Variants in KIF13A observed in about 807,000 individuals in gnomAD.
KIF13A encodes kinesin-like protein KIF13A.
A neutral mutation model predicts 212.2 loss-of-function variants in KIF13A; 79 were observed. That is an observed-to-expected ratio of 0.37 (90% confidence interval 0.31 to 0.45). The LOEUF (loss-of-function observed/expected upper bound fraction) is 0.45. Among genes scored for constraint, KIF13A ranks in the 20% least tolerant of loss-of-function variants. The probability of loss-of-function intolerance (pLI) is 1.00; values close to 1 mark genes in which losing one functional copy is unlikely to be tolerated. For missense variants in KIF13A, 1,901 were observed against 2,209.0 expected (o/e 0.86, Z 2.79); for synonymous variants, 789 against 808.6 (o/e 0.98, Z 0.41).
At chr6:17,974,079 G>A (rs1006967913) in intron 2 of KIF13A, among the ~76,000 whole-genome samples, 6 of 152,158 alleles carry the variant, frequency 3.9e-5, no homozygotes, top group South Asian at 2.1e-4. Flanking sequence ...TAGGAACCTG[G>A]TTTTTTATTT....
Position 17,776,505 on chromosome 6 carries a change from C to G in KIF13A, c.4170+772G>C, listed in dbSNP as rs1457388505. Among the ~76,000 whole-genome samples the G allele has an allele frequency of 2.0e-5, 3 of 152,134 alleles. No homozygotes were observed. The highest frequency in any genetic ancestry group is 4.4e-5 in the Non-Finnish European group (3 of 68,036). Reference sequence around the variant, plus strand: ...CTATATGAGTCTCTCTTATCTATTTCTAATAAATGCATTGTGGTCAGAAGA... The same window carrying G: ...CTATATGAGTCTCTCTTATCTATTTGTAATAAATGCATTGTGGTCAGAAGA... On this transcript the variant is annotated intron_variant, in intron 34 of 38. Transcript: ENST00000259711. This position sits in a 1 kb window ranked among gnomAD's most constrained non-coding sequence, Gnocchi z 4.6.
rs1484811693 is a variant in KIF13A at position 17,967,024 on chromosome 6, A to G, written c.146+20030T>C. 2.0e-5 allele frequency among the ~76,000 whole-genome samples: 3 copies of G among 152,204 alleles called. No individual in the cohort carries two copies. In the East Asian group the frequency reaches 5.8e-4, roughly 29 times the overall value. On this transcript the variant is annotated intron_variant, in intron 2 of 38. Coordinates refer to ENST00000259711, the MANE Select transcript of KIF13A (RefSeq NM_022113.6). This position sits in a 1 kb window ranked among gnomAD's most constrained non-coding sequence, Gnocchi z 4.1. ...GAAAGAAAATACCAAATATTCCAGC[A>G]GTACCTAACTTGATTTAGTAGACAC...
chr6:17,866,931 C>T (rs1445083970), intron 4 of KIF13A, among the ~76,000 whole-genome samples: 2 of 148,362 alleles, frequency 1.3e-5, no homozygotes, highest in Non-Finnish European at 3.0e-5. Context: ...TAGCAAAGCT[C>T]ATTTATTTTT....
chr6:17,760,788 G>T, downstream of KIF13A: 1 of 1,512,296 alleles, frequency 6.6e-7, no homozygotes, highest in East Asian at 2.3e-5. Context: ...GATGGGGCTG[G>T]TGCTTGCCCA....
intron 2 of KIF13A, among the ~76,000 whole-genome samples, chr6:17,973,840 T>G (rs1780035756): frequency 6.6e-6 from 1 of 152,110 alleles, no homozygotes; most frequent in South Asian, 2.1e-4. Context: ...TTTGCTAGAA[T>G]TGTCACATCA....
rs1247370767 is a variant in KIF13A, at chr6:17,799,906, C to T, written c.2616+46G>A. 6.4e-7 allele frequency: 1 copy of T among 1,571,482 alleles called. No homozygotes were observed. The highest frequency in any genetic ancestry group is 2.2e-5 in the East Asian group (1 of 44,526). The stretch of plus-strand genomic sequence containing the variant: ...TAAGATTTTTTGTAAAATGGTTTTG[C>T]ATGAAAAAGGTCATTTATATGAGCC... On this transcript the variant is annotated intron_variant, in intron 21 of 38. Coordinates refer to ENST00000259711, the MANE Select transcript of KIF13A (RefSeq NM_022113.6). This position sits in a 1 kb window ranked among gnomAD's most constrained non-coding sequence, Gnocchi z 4.4.
chr6:17,960,310 G>A (rs1778705956), intron 2 of KIF13A, among the ~76,000 whole-genome samples: 1 of 152,174 alleles, frequency 6.6e-6, no homozygotes, highest in African/African-American at 2.4e-5. Flanking sequence ...TTTGGATTTT[G>A]CCTTAACTGG....
intron 4 of KIF13A, among the ~76,000 whole-genome samples, chr6:17,862,397 C>G (rs1768886402): frequency 6.6e-6 from 1 of 152,100 alleles, no homozygotes. Context: ...TCTCTTAAGT[C>G]TTTAATCAAC....
At chr6:17,964,051 G>A (rs1045594209) in intron 2 of KIF13A, among the ~76,000 whole-genome samples, 2 of 152,124 alleles carry the variant, frequency 1.3e-5, no homozygotes, top group African/African-American at 4.8e-5. Context: ...CAGGAGGTTC[G>A]TGGTTACAGT....
In KIF13A at chr6:17,771,354, G is replaced by A. The variant is rs2150292165; in HGVS notation, c.4477-136C>T. Reference sequence around the variant, plus strand: ...GAGTAATGCAGCAGCCAATTCTGCAGGCCAGAGTTAAACTACTGGAGAGAT... The same window carrying A: ...GAGTAATGCAGCAGCCAATTCTGCAAGCCAGAGTTAAACTACTGGAGAGAT... On this transcript the variant is annotated intron_variant, in intron 37 of 38. Transcript: ENST00000259711. This position sits in a 1 kb window ranked among gnomAD's most constrained non-coding sequence, Gnocchi z 5.4. 4.8e-6 allele frequency: 3 copies of A among 619,986 alleles called. No individual in the cohort carries two copies. The East Asian group carries it at 8.5e-5, about 18-fold the overall frequency. The allele number at this position is 619,986 out of a possible 1,614,324, so 38.4% of individuals were successfully genotyped here.
At chr6:17,812,550 A>G (rs1250112585) in intron 17 of KIF13A, 1 of 152,188 alleles carries the variant, frequency 6.6e-6, no homozygotes, top group Non-Finnish European at 1.5e-5. Context: ...CATGGTGTAC[A>G]TGTACCACGT....
intron 2 of KIF13A, among the ~76,000 whole-genome samples, chr6:17,976,276 C>T (rs1279490934): frequency 1.3e-5 from 2 of 152,216 alleles, no homozygotes; most frequent in Non-Finnish European, 2.9e-5. Context: ...CACAGGAGCC[C>T]ACGGAGCGGG....
intron 22 of KIF13A, among the ~76,000 whole-genome samples, chr6:17,797,653 C>A (rs576120519): frequency 1.3e-5 from 2 of 152,074 alleles, no homozygotes; most frequent in Non-Finnish European, 2.9e-5. Context: ...GCCAGCACTT[C>A]GGGAGGCCAA....
chr6:17,764,282 C>A lies in KIF13A; in HGVS notation c.5246G>T (p.Gly1749Val). Residue 1749 changes from glycine (G) to valine (V), a missense_variant, in exon 39 of 39, where the codon GGT becomes GTT. By Grantham distance (109) the Gly-to-Val change is moderately radical. Around this residue, in one of 5 missense-constraint regions of KIF13A, gnomAD observed 687 missense variants for 759.1 expected, o/e 0.90. Transcript: ENST00000259711. This position sits in a 1 kb window ranked among gnomAD's most constrained non-coding sequence, Gnocchi z 5.1. ...CTCTCCAGCAGAAGAATCTGTCAAACCATCAAAATCTTTTCCCTCTGACAC... is the reference window on the plus strand; with the variant it reads ...CTCTCCAGCAGAAGAATCTGTCAAAACATCAAAATCTTTTCCCTCTGACAC... ...MGVSEGKDFD[G>V]LTDSSAGELS... 6.2e-7 allele frequency: 1 copy of A among 1,613,994 alleles called. No individual in the cohort carries two copies. Among genetic ancestry groups the A allele is most frequent in the Non-Finnish European group, 8.5e-7 (1 of 1,179,886 alleles).
intron 2 of KIF13A, among the ~76,000 whole-genome samples, chr6:17,939,599 C>T (rs1474550926): frequency 6.6e-6 from 1 of 152,098 alleles, no homozygotes; most frequent in Non-Finnish European, 1.5e-5. Context: ...ATGAGGTAGG[C>T]GGTCTGCACA....
chr6:17,794,849 T>C lies in KIF13A; in HGVS notation c.2943-145A>G. ...TATAAGTTACTTCCTTATTTAACTCTCAAAACCAACCTGTCATATTGTTTC... is the reference window on the plus strand; with the variant it reads ...TATAAGTTACTTCCTTATTTAACTCCCAAAACCAACCTGTCATATTGTTTC... On this transcript the variant is annotated intron_variant, in intron 23 of 38. Coordinates refer to ENST00000259711, the MANE Select transcript of KIF13A (RefSeq NM_022113.6). The surrounding 1 kb of genome is among the most constrained non-coding windows in gnomAD (Gnocchi z 4.1). The C allele has an allele frequency of 1.3e-6, 1 of 752,790 alleles. No individual in the cohort carries two copies. The highest frequency in any genetic ancestry group is 2.7e-5 in the East Asian group (1 of 37,100). 46.6% of individuals were successfully genotyped at this position (752,790 alleles called of 1,614,324 possible).
chr6:17,760,568 T>A (rs1758540708), downstream of KIF13A: 1 of 536,094 alleles, frequency 1.9e-6, no homozygotes, highest in Non-Finnish European at 3.3e-6. Flanking sequence ...TGGAGGTGTG[T>A]AGTAAGTGCA....
At chr6:17,950,724 A>C in intron 2 of KIF13A, 1 of 982,558 alleles carries the variant, frequency 1.0e-6, no homozygotes, top group Non-Finnish European at 1.2e-6. Context: ...GAAATATATG[A>C]CAAAAAATAC....
rs1772486364 is a variant in KIF13A, at chr6:17,895,526, CCT to C, written c.159+2640_159+2641del. Among the ~76,000 whole-genome samples, 1 of 152,124 alleles carries C rather than the reference CCT, an allele frequency of 6.6e-6. No individual in the cohort carries two copies. The highest frequency in any genetic ancestry group is 2.4e-5 in the African/African-American group (1 of 41,416). ...AACAATCCATGTGATGGCTGGTTTA[CCT>C]CTGTTTCACCTTCATACCCTACCCC... On this transcript the variant is annotated intron_variant, in intron 3 of 38. Coordinates refer to ENST00000259711, the MANE Select transcript of KIF13A (RefSeq NM_022113.6). The surrounding 1 kb of genome is among the most constrained non-coding windows in gnomAD (Gnocchi z 4.4).
Sources: gnomAD v4.1 joint callset for allele counts (sites outside exome capture counted in the v4.1 genomes callset) on GRCh38, gnomAD v4.1.1 for gene constraint, gnomAD v4.1.1 regional missense constraint, Gnocchi (gnomAD v3.1) non-coding constraint, MANE v1.5 for transcripts, NCBI Gene and HGNC (gene_info 2026-07-23, HGNC 2026-07-21) for gene names.